Variants in PRC1 observed in about 807,000 individuals in gnomAD.
PRC1 encodes protein regulator of cytokinesis 1.
In PRC1, 54 loss-of-function variants were observed where a neutral mutation model predicts 91.2. The ratio of observed to expected loss-of-function variants is 0.59; its 90% confidence interval spans 0.48 to 0.74. The LOEUF (loss-of-function observed/expected upper bound fraction) is 0.74, where lower values mean the gene tolerates loss of function less well. Ranked by LOEUF, PRC1 falls within the 30% of genes least tolerant of loss-of-function variation. PRC1 has a pLI of 0.00. For synonymous variants in PRC1, 275 were observed against 263.6 expected (o/e 1.04, Z -0.42); for missense variants, 727 against 746.2 (o/e 0.97, Z 0.30).
chr15:90,969,227 G>A lies in PRC1; in HGVS notation c.1750-107C>T. 5.3e-6 allele frequency: 7 copies of A among 1,311,966 alleles called. 1 individual carries two copies. The South Asian group carries it at 8.6e-5, about 16-fold the overall frequency. 81.3% of individuals were successfully genotyped at this position (1,311,966 alleles called of 1,614,324 possible). A position where few individuals can be genotyped will look rare whatever the true frequency, so the allele number is the denominator to read the frequency against. ...GCCAGGGAATGGTATGTATTAAGCAGAAGGATCCAGGTTAAATGTCTAGTT... is the reference window on the plus strand; with the variant it reads ...GCCAGGGAATGGTATGTATTAAGCAAAAGGATCCAGGTTAAATGTCTAGTT... On this transcript the variant is annotated intron_variant, in intron 13 of 14. Transcript: ENST00000394249.
rs777558725 is a variant in PRC1, at chr15:90,977,576, GTTTTTTT to G, written c.1108-812_1108-806del. Reference sequence around the variant, plus strand: ...GTTGCTGCCTTAGCTCCTTATTTACGTTTTTTTTTTTTTTTTTTTTTTTCTGAGACAG... The same window carrying G: ...GTTGCTGCCTTAGCTCCTTATTTACGTTTTTTTTTTTTTTTTCTGAGACAG... On this transcript the variant is annotated intron_variant, in intron 8 of 14. Coordinates refer to ENST00000394249, the MANE Select transcript of PRC1 (RefSeq NM_003981.4). Among the ~76,000 whole-genome samples the G allele has an allele frequency of 4.3e-4, 41 of 95,476 alleles. 1 individual carries two copies. The highest frequency in any genetic ancestry group is 2.6e-3 in the South Asian group (7 of 2,692). The allele number at this position is 95,476 out of a possible 152,430, so 62.6% of individuals were successfully genotyped here. A position where few individuals can be genotyped will look rare whatever the true frequency, so the allele number is the denominator to read the frequency against.
Position 90,974,085 on chromosome 15 carries a change from T to A in PRC1, c.1461+51A>T, listed in dbSNP as rs376329697. 3.9e-5 allele frequency: 59 copies of A among 1,523,398 alleles called. No homozygotes were observed. Among genetic ancestry groups the A allele is most frequent in the Non-Finnish European group, 5.3e-5 (58 of 1,098,762 alleles). The allele number at this position is 1,523,398 out of a possible 1,614,324, so 94.4% of individuals were successfully genotyped here. A position where few individuals can be genotyped will look rare whatever the true frequency, so the allele number is the denominator to read the frequency against. On this transcript the variant is annotated intron_variant, in intron 11 of 14. Transcript: ENST00000394249. The surrounding 1 kb of genome is among the most constrained non-coding windows in gnomAD (Gnocchi z 4.6). The stretch of plus-strand genomic sequence containing the variant: ...CCCCCTTCAAAGAGGTGGCTGGGAC[T>A]ACCCTCACCCACTCCCTTGAAATCA...
At position 90,994,459 on chromosome 15, in the gene PRC1, C is replaced by T; in HGVS notation, c.-42G>A. On this transcript the variant is annotated 5_prime_UTR_variant, in exon 1 of 15. Transcript: ENST00000394249. ...AGCCGTGAGTCCAGGTCCAGACCTACTCCACACGGCCCCGAGAGCAACAAC... is the reference window on the plus strand; with the variant it reads ...AGCCGTGAGTCCAGGTCCAGACCTATTCCACACGGCCCCGAGAGCAACAAC... 4 of 1,602,162 alleles carry T rather than the reference C, an allele frequency of 2.5e-6. No individual in the cohort carries two copies. The highest frequency in any genetic ancestry group is 3.4e-6 in the Non-Finnish European group (4 of 1,173,548).
At chr15:90,975,578 T>TCC (rs2038609092) in intron 9 of PRC1, among the ~76,000 whole-genome samples, 1 of 151,846 alleles carries the variant, frequency 6.6e-6, no homozygotes, top group Non-Finnish European at 1.5e-5. Flanking sequence ...GGACTCTCTC[T>TCC]CAAAAGCTTT....
intron 7 of PRC1, among the ~76,000 whole-genome samples, chr15:90,979,538 C>A (rs553279649): frequency 6.6e-5 from 10 of 152,340 alleles, no homozygotes; most frequent in Non-Finnish European, 1.2e-4. Flanking sequence ...TGTCAAAAAT[C>A]TGCATCATCT....
Position 90,976,719 on chromosome 15 carries a change from T to C in PRC1, c.1160A>G (p.Lys387Arg), listed in dbSNP as rs1474343212. 1 of 1,613,926 alleles carries C rather than the reference T, an allele frequency of 6.2e-7. No individual in the cohort carries two copies. Residue 387 changes from lysine (K) to arginine (R), a missense_variant, in exon 9 of 15, where the codon AAA (lysine) becomes AGA (arginine). By Grantham distance (26) the Lys-to-Arg change is conservative. Transcript: ENST00000394249. ...GAGCTTGGCTCGTTGTTTTTCTTCT[T>C]TTAGAAGATTTCCTCCTCGGTTTGT... ...RFTNRGGNLL[K>R]EEKQRAKLQK... is the part of the protein sequence containing the mutation.
Position 90,984,619 on chromosome 15 carries a change from C to T in PRC1, c.144+74G>A. On this transcript the variant is annotated intron_variant, in intron 2 of 14. Transcript: ENST00000394249. This position sits in a 1 kb window ranked among gnomAD's most constrained non-coding sequence, Gnocchi z 5.1. ...TAATGCCGATGATCACATGTCCCTT[C>T]TGTATGCTATCTCGGGTGAGACACC... The T allele has an allele frequency of 4.4e-6, 7 of 1,574,990 alleles. No homozygotes were observed. The highest frequency in any genetic ancestry group is 1.4e-5 in the African/African-American group (1 of 74,022).
At chr15:90,994,286 C>G in intron 1 of PRC1, 121 bp downstream of exon 1, 1 of 1,483,460 alleles carries the variant, frequency 6.7e-7, no homozygotes, top group Non-Finnish European at 9.1e-7. Context: ...TCCCTCGGCG[C>G]CGACTGCCGT....
Position 90,984,588 on chromosome 15 carries a change from C to T in PRC1, c.144+105G>A. On this transcript the variant is annotated intron_variant, in intron 2 of 14. Coordinates refer to ENST00000394249, the MANE Select transcript of PRC1 (RefSeq NM_003981.4). This position sits in a 1 kb window ranked among gnomAD's most constrained non-coding sequence, Gnocchi z 5.1. ...CCAAACCAAACAGGAAGAGCCTGTG[C>T]TATCCTAATGCCGATGATCACATGT... 11 of 1,482,356 alleles carry T rather than the reference C, an allele frequency of 7.4e-6. No homozygotes were observed. The highest frequency in any genetic ancestry group is 9.1e-6 in the Non-Finnish European group (10 of 1,093,510). 91.8% of individuals were successfully genotyped at this position (1,482,356 alleles called of 1,614,324 possible). A position where few individuals can be genotyped will look rare whatever the true frequency, so the allele number is the denominator to read the frequency against.
At chr15:90,976,951 C>T (rs1000103742) in intron 8 of PRC1, among the ~76,000 whole-genome samples, 180 bp from the exon 9 acceptor site, 2 of 151,878 alleles carry the variant, frequency 1.3e-5, no homozygotes, top group East Asian at 1.9e-4. Flanking sequence ...GCCAACATGG[C>T]GAAACCCCAT....
chr15:90,967,238 C>T, intron 14 of PRC1, 36 bp from the exon 15 acceptor site: 4 of 1,546,688 alleles, frequency 2.6e-6, no homozygotes, highest in Non-Finnish European at 3.6e-6. Flanking sequence ...GGCCATACTG[C>T]CTCTCTTACA....
chr15:90,973,803 C>G (rs1257134693), intron 11 of PRC1, among the ~76,000 whole-genome samples: 1 of 152,040 alleles, frequency 6.6e-6, no homozygotes, highest in East Asian at 1.9e-4. Context: ...GACACAGATT[C>G]CTTTGCTCAC....
chr15:90,980,801 TG>T (rs2039133183), intron 6 of PRC1, 82 bp downstream of exon 6: 1 of 1,578,884 alleles, frequency 6.3e-7, no homozygotes, highest in African/African-American at 1.3e-5. Flanking sequence ...CCACTGAGCC[TG>T]GCCAAATCAA....
At position 90,966,720 on chromosome 15, in the gene PRC1, G is replaced by A. The variant is rs959004683; in HGVS notation, c.*411C>T. 3.6e-5 allele frequency: 16 copies of A among 443,524 alleles called. No homozygotes were observed. The highest frequency in any genetic ancestry group is 6.4e-5 in the Non-Finnish European group (14 of 219,642). The allele number at this position is 443,524 out of a possible 1,614,324, so 27.5% of individuals were successfully genotyped here. A position where few individuals can be genotyped will look rare whatever the true frequency, so the allele number is the denominator to read the frequency against. ...GATAGCTACAGCATTAATTGAACAT[G>A]CCTAAACAAAAAAGATGTTAATTAC... On this transcript the variant is annotated 3_prime_UTR_variant, in exon 15 of 15. Coordinates refer to ENST00000394249, the MANE Select transcript of PRC1 (RefSeq NM_003981.4).
In PRC1 at chr15:90,976,705, G is replaced by C. The variant is rs867717245; in HGVS notation, c.1174C>G (p.Arg392Gly). Residue 392 changes from arginine to glycine, a missense_variant, in exon 9 of 15, where the codon CGA becomes GGA. By Grantham distance (125) the Arg-to-Gly change is moderately radical (BLOSUM62 -2). Transcript: ENST00000394249. ...GGNLLKEEKQ[R>G]AKLQKMLPKL... The stretch of plus-strand genomic sequence containing the variant: ...GGCAGCATTTTCTGGAGCTTGGCTC[G>C]TTGTTTTTCTTCTTTTAGAAGATTT... The C allele has an allele frequency of 1.2e-6, 2 of 1,613,344 alleles. No homozygotes were observed. The highest frequency in any genetic ancestry group is 2.2e-5 in the East Asian group (1 of 44,870).
At chr15:90,977,741 G>A (rs2038857199) in intron 8 of PRC1, among the ~76,000 whole-genome samples, 1 of 151,852 alleles carries the variant, frequency 6.6e-6, no homozygotes, top group Admixed American at 6.6e-5. Context: ...CCGCCACCAT[G>A]CCCGGCTAAT....
At chr15:90,989,939 C>T (rs1401419776) in intron 1 of PRC1, among the ~76,000 whole-genome samples, 1 of 152,102 alleles carries the variant, frequency 6.6e-6, no homozygotes, top group Non-Finnish European at 1.5e-5. Context: ...GATCATGGCT[C>T]ACTGCAGCCC....
intron 6 of PRC1, 123 bp from the exon 7 acceptor site, chr15:90,980,512 CTTTTTTTTTTT>C (rs35250469): frequency 2.6e-5 from 13 of 492,830 alleles, no homozygotes; most frequent in East Asian, 4.0e-5. Context: ...TAAATCAACA[CTTTTTTTTTTT>C]TTTTTTTTTT....
chr15:90,990,387 AATAATT>A (rs1295121086), intron 1 of PRC1, among the ~76,000 whole-genome samples: 11 of 123,564 alleles, frequency 8.9e-5, no homozygotes, highest in East Asian at 6.9e-4. Context: ...TAAATAAATA[AATAATT>A]TTTTTTTTTT....
Sources: gnomAD v4.1 joint callset for allele counts (sites outside exome capture counted in the v4.1 genomes callset) on GRCh38, gnomAD v4.1.1 for gene constraint, Gnocchi (gnomAD v3.1) non-coding constraint, MANE v1.5 for transcripts, NCBI Gene and HGNC (gene_info 2026-07-23, HGNC 2026-07-21) for gene names.